Variants in MYO15A observed in about 807,000 individuals in gnomAD.
MYO15A encodes the protein myosin XVA, also known as unconventional myosin-XV.
In MYO15A, 308 loss-of-function variants were observed where a neutral mutation model predicts 394.6. The ratio of observed to expected loss-of-function variants is 0.78; its 90% CI spans 0.71 to 0.86. The LOEUF (loss-of-function observed/expected upper bound fraction) is 0.86. Among genes scored for constraint, MYO15A ranks in the 40% least tolerant of loss-of-function variants. MYO15A has a pLI of 0.00. For synonymous variants in MYO15A, 1,957 were observed against 2,003.8 expected (o/e 0.98, Z 0.62); for missense variants, 4,606 against 4,799.1 (o/e 0.96, Z 1.19).
rs727503319 is a variant in MYO15A, at chr17:18,161,450, G to T, written c.9517+3G>T. 7 of 1,613,534 alleles carry T rather than the reference G, an allele frequency of 4.3e-6. No individual in the cohort carries two copies. Among genetic ancestry groups the T allele is most frequent in the Non-Finnish European group, 5.9e-6 (7 of 1,180,032 alleles). On this transcript the variant is annotated splice_donor_region_variant and intron_variant, in intron 57 of 65. Transcript: ENST00000647165. ...GACCCCAGGCCTGCCCTTTCAGGGTGAGAGGTCAATGAGTGGGAACCCAGG... is the reference window on the plus strand; with the variant it reads ...GACCCCAGGCCTGCCCTTTCAGGGTTAGAGGTCAATGAGTGGGAACCCAGG...
At chr17:18,116,617 C>A (rs2045789208) in intron 1 of MYO15A, among the ~76,000 whole-genome samples, 1 of 152,150 alleles carries the variant, frequency 6.6e-6, no homozygotes, top group South Asian at 2.1e-4. Context: ...GTTGATATCT[C>A]CAGGCTCAGA....
At chr17:18,142,372 G>A (rs572695348) in intron 24 of MYO15A, 118 bp downstream of exon 24, 10 of 1,204,256 alleles carry the variant, frequency 8.3e-6, no homozygotes, top group South Asian at 6.5e-5. Flanking sequence ...GAGGGTGGAG[G>A]CCTCTGCAGG....
chr17:18,122,233 C>A lies in MYO15A; in HGVS notation c.3433C>A (p.Pro1145Thr). 6.2e-7 allele frequency: 1 copy of A among 1,613,214 alleles called. No homozygotes were observed. The highest frequency in any genetic ancestry group is 8.5e-7 in the Non-Finnish European group (1 of 1,180,028). Residue 1145 changes from proline to threonine, a missense_variant, in exon 2 of 66, where the codon CCC (proline) becomes ACC (threonine). Coordinates refer to ENST00000647165, the MANE Select transcript of MYO15A (RefSeq NM_016239.4). ...GCCTCAAGTCCAGCCCATTCAGGAC[C>A]CCAAGCCAAGAGCCTGTAGTCTTCG... is the stretch of plus-strand genomic sequence containing the variant. ...LKPQVQPIQD[P>T]KPRACSLRWS...
At chr17:18,145,733 G>T (rs2142353827) in intron 29 of MYO15A, 139 bp from the exon 30 acceptor site, 1 of 721,326 alleles carries the variant, frequency 1.4e-6, no homozygotes, top group East Asian at 2.7e-5. Flanking sequence ...TATATATATA[G>T]CAGTTATATT....
intron 58 of MYO15A, 47 bp downstream of exon 58, chr17:18,162,726 G>A (rs746584064): frequency 8.2e-6 from 13 of 1,584,566 alleles, no homozygotes; most frequent in African/African-American, 4.0e-5. Context: ...GAGGCTGGGC[G>A]CAGTGGCTCA....
intron 4 of MYO15A, 105 bp downstream of exon 4, chr17:18,125,336 G>A: frequency 9.0e-7 from 1 of 1,116,744 alleles, no homozygotes; most frequent in Non-Finnish European, 1.4e-6. Flanking sequence ...TAGCCCCTGT[G>A]GCCTCTGCCT....
chr17:18,154,730 G>T lies in MYO15A; in HGVS notation c.8199G>T (p.Glu2733Asp). ...SEACLRISED[E>D]RLRMKALFAQ... is the part of the protein sequence containing the mutation. ...CCTGCCTTCGCATCTCTGAGGATGAGAGGCTCAGGATGAAGGCCTTGTTTG... is the reference window on the plus strand; with the variant it reads ...CCTGCCTTCGCATCTCTGAGGATGATAGGCTCAGGATGAAGGCCTTGTTTG... Residue 2733 changes from glutamate (E) to aspartate (D), a missense_variant, in exon 45 of 66, where the codon GAG (glutamate) becomes GAT (aspartate). Around this residue, in one of 2 missense-constraint regions of MYO15A, gnomAD observed 2,776 missense variants for 3,109.3 expected, o/e 0.89. Transcript: ENST00000647165. 6.2e-7 allele frequency: 1 copy of T among 1,613,784 alleles called. No homozygotes were observed.
intron 65 of MYO15A, chr17:18,177,817 A>C (rs1240544803): frequency 1.3e-5 from 2 of 152,244 alleles, no homozygotes; most frequent in African/African-American, 4.8e-5. Context: ...GTTAACACTC[A>C]GAGTGCGCCT....
chr17:18,124,453 C>T, intron 2 of MYO15A, 30 bp from the exon 3 acceptor site: 1 of 1,604,834 alleles, frequency 6.2e-7, no homozygotes, highest in African/African-American at 1.3e-5. Context: ...GCCCTTCAAC[C>T]TGCAGACACA....
intron 60 of MYO15A, 100 bp downstream of exon 60, chr17:18,163,938 C>A: frequency 4.1e-6 from 5 of 1,205,712 alleles, no homozygotes; most frequent in South Asian, 1.3e-5. Context: ...AAGTCAGGTG[C>A]CACTTCCTCC....
chr17:18,118,827 G>A lies in MYO15A; in HGVS notation c.27G>A (p.Lys9=), dbSNP rs779915837. 2.5e-6 allele frequency: 4 copies of A among 1,609,668 alleles called. No homozygotes were observed. In the East Asian group the frequency reaches 8.9e-5, roughly 36 times the overall value. MAKEEDEE[K]KAKKGKKGKK... ...TGGCGAAGGAGGAAGATGAGGAGAAGAAAGCCAAGAAAGGGAAGAAGGGGA... is the reference window on the plus strand; with the variant it reads ...TGGCGAAGGAGGAAGATGAGGAGAAAAAAGCCAAGAAAGGGAAGAAGGGGA... The change falls in exon 2 of 66, where the codon AAG becomes AAA. Residue 9 remains lysine (K), a synonymous_variant. Coordinates refer to ENST00000647165, the MANE Select transcript of MYO15A (RefSeq NM_016239.4).
In MYO15A at chr17:18,154,180, T is replaced by A. The variant is rs1393256137; in HGVS notation, c.8138T>A (p.Leu2713Gln). Residue 2713 changes from leucine to glutamine, a missense_variant, in exon 44 of 66, where the codon CTG becomes CAG. Leu to Gln is a moderately radical substitution (Grantham distance 113). Around this residue, in one of 2 missense-constraint regions of MYO15A, gnomAD observed 2,776 missense variants for 3,109.3 expected, o/e 0.89. Transcript: ENST00000647165. The part of the protein sequence containing the change: ...SYSHPVQLDL[L>Q]FRQILHDTLS... ...AGCCATCCTGTGCAGCTTGACCTCCTGTTCCGGCAGGTGAGGTCCTGTCTC... is the reference window on the plus strand; with the variant it reads ...AGCCATCCTGTGCAGCTTGACCTCCAGTTCCGGCAGGTGAGGTCCTGTCTC... 6.2e-7 allele frequency: 1 copy of A among 1,614,068 alleles called. No homozygotes were observed. Among genetic ancestry groups the A allele is most frequent in the Admixed American group, 1.7e-5 (1 of 60,028 alleles).
Position 18,121,424 on chromosome 17 carries a change from T to C in MYO15A, c.2624T>C (p.Leu875Pro). The change falls in exon 2 of 66, where the codon CTC (leucine) becomes CCC (proline). Residue 875 changes from leucine to proline, a missense_variant. Around this residue, in one of 2 missense-constraint regions of MYO15A, gnomAD observed 1,830 missense variants for 1,689.7 expected, o/e 1.08. Coordinates refer to ENST00000647165, the MANE Select transcript of MYO15A (RefSeq NM_016239.4). This position sits in a 1 kb window ranked among gnomAD's most constrained non-coding sequence, Gnocchi z 5.3. ...CGCCTCCCGCACACGTGGCGGCGCC[T>C]CAGCGAGCCACCCACTCGGGCTGTG... ...PSRLPHTWRR[L>P]SEPPTRAVKP... 6.5e-7 allele frequency: 1 copy of C among 1,544,288 alleles called. No individual in the cohort carries two copies. Among genetic ancestry groups the C allele is most frequent in the Non-Finnish European group, 8.7e-7 (1 of 1,146,132 alleles).
At chr17:18,152,380 G>A (rs555818681) in intron 42 of MYO15A, among the ~76,000 whole-genome samples, 196 bp downstream of exon 42, 9 of 152,248 alleles carry the variant, frequency 5.9e-5, no homozygotes, top group Non-Finnish European at 1.0e-4. Context: ...CTGGCCTCAT[G>A]TAATCCTACC....
chr17:18,121,725 C>G lies in MYO15A; in HGVS notation c.2925C>G (p.Thr975=). 6.2e-6 allele frequency: 10 copies of G among 1,600,884 alleles called. No homozygotes were observed. Among genetic ancestry groups the G allele is most frequent in the Non-Finnish European group, 8.5e-6 (10 of 1,172,380 alleles). Residue 975 remains threonine, a synonymous_variant, in exon 2 of 66, where the codon ACC becomes ACG. Coordinates refer to ENST00000647165, the MANE Select transcript of MYO15A (RefSeq NM_016239.4). The surrounding 1 kb of genome is among the most constrained non-coding windows in gnomAD (Gnocchi z 5.3). ...LQLLGPVPSP[T]LQPEDPAADM... is the part of the protein sequence containing the mutation. ...TCCTGGGCCCTGTGCCATCCCCCAC[C>G]CTCCAGCCTGAGGATCCAGCTGCTG... is the stretch of plus-strand genomic sequence containing the variant.
At chr17:18,129,417 A>G (rs2046112017) in intron 7 of MYO15A, among the ~76,000 whole-genome samples, 1 of 152,228 alleles carries the variant, frequency 6.6e-6, no homozygotes, top group Non-Finnish European at 1.5e-5. Flanking sequence ...CTTATTGAGC[A>G]ATCACAGGCC....
intron 4 of MYO15A, 71 bp from the exon 5 acceptor site, chr17:18,126,276 C>A: frequency 7.7e-7 from 1 of 1,297,160 alleles, no homozygotes. Flanking sequence ...GCCAGGCTCC[C>A]AGCATAGGGG....
In MYO15A at chr17:18,158,947, A is replaced by G. The variant is rs1249601659; in HGVS notation, c.9106A>G (p.Lys3036Glu). 6.2e-7 allele frequency: 1 copy of G among 1,614,040 alleles called. No individual in the cohort carries two copies. The highest frequency in any genetic ancestry group is 8.5e-7 in the Non-Finnish European group (1 of 1,179,996). ...RPQDGLRLKS[K>E]EPRESRTLED... is the part of the protein sequence containing the mutation. ...CAGGGATGGCCTCAGGCTGAAATCC[A>G]AGGAGCCTCGGGAGTCCAGAACCTT... Residue 3036 changes from lysine to glutamate, a missense_variant, in exon 53 of 66, where the codon AAG becomes GAG. Lys to Glu is a moderately conservative substitution (Grantham distance 56). Coordinates refer to ENST00000647165, the MANE Select transcript of MYO15A (RefSeq NM_016239.4).
intron 15 of MYO15A, 109 bp downstream of exon 15, chr17:18,136,795 A>C: frequency 6.9e-7 from 1 of 1,450,524 alleles, no homozygotes; most frequent in Non-Finnish European, 9.3e-7. Flanking sequence ...AGCAGGTGCC[A>C]TCCTCCCTTC....
Sources: gnomAD v4.1 joint callset for allele counts (sites outside exome capture counted in the v4.1 genomes callset) on GRCh38, gnomAD v4.1.1 for gene constraint, gnomAD v4.1.1 regional missense constraint, Gnocchi (gnomAD v3.1) non-coding constraint, MANE v1.5 for transcripts, NCBI Gene and HGNC (gene_info 2026-07-23, HGNC 2026-07-21) for gene names.